The following BRINP1 variants were observed in gnomAD, a reference collection of about 807,000 sequenced individuals.
BRINP1 encodes the protein BMP/retinoic acid-inducible neural-specific protein 1.
A neutral mutation model predicts 72.9 loss-of-function variants in BRINP1; 17 were observed. That is an observed-to-expected ratio of 0.23 (90% CI 0.16 to 0.35). BRINP1 has a LOEUF of 0.35. Ranked by LOEUF, BRINP1 falls within the 10% of genes least tolerant of loss-of-function variation. The probability of loss-of-function intolerance (pLI) is 1.00; values close to 1 mark genes in which losing one functional copy is unlikely to be tolerated. For synonymous variants in BRINP1, 418 were observed against 378.5 expected, an observed-to-expected ratio of 1.10 and a Z score of -1.21; for missense variants, 850 against 1,001.6, an observed-to-expected ratio of 0.85 and a Z score of 2.04.
chr9:119,207,492 G>T (rs1829870812), intron 7 of BRINP1, among the ~76,000 whole-genome samples: 1 of 152,198 alleles, frequency 6.6e-6, no homozygotes, highest in Non-Finnish European at 1.5e-5. Context: ...TGCTAAGCCT[G>T]AGCACCAGCA....
intron 1 of BRINP1, among the ~76,000 whole-genome samples, chr9:119,316,773 G>T (rs1443193541): frequency 6.6e-6 from 1 of 152,132 alleles, no homozygotes; most frequent in African/African-American, 2.4e-5. Context: ...TATACAAGGA[G>T]ATTAATGGTG....
intron 5 of BRINP1, among the ~76,000 whole-genome samples, chr9:119,221,281 G>A (rs1047320320): frequency 6.6e-6 from 1 of 152,052 alleles, no homozygotes; most frequent in African/African-American, 2.4e-5. Flanking sequence ...AGCAAGGACT[G>A]CACCTTTTGC....
chr9:119,237,346 C>CATCATTATTATTATTATTATT (rs1554750154), intron 5 of BRINP1, among the ~76,000 whole-genome samples: 1 of 145,044 alleles, frequency 6.9e-6, no homozygotes, highest in Non-Finnish European at 1.5e-5. Context: ...TTTCTTGCTA[C>CATCATTATTATTATTATTATT]ATTATTATTA....
chr9:119,339,604 G>T (rs1831387475), intron 1 of BRINP1, among the ~76,000 whole-genome samples: 1 of 152,030 alleles, frequency 6.6e-6, no homozygotes. Context: ...TGGAATAAAT[G>T]GATTTCATCA....
rs541520386 is a variant in BRINP1, at chr9:119,355,511, A to G, written c.-51+13545T>C. On this transcript the variant is annotated intron_variant, in intron 1 of 7. Transcript: ENST00000265922. The stretch of plus-strand genomic sequence containing the variant: ...TGGGAGGCCAAGGTGGGCGAATCAC[A>G]AGGTCAGGAGATTGAGACCATCCTG... 8.3e-4 allele frequency among the ~76,000 whole-genome samples: 126 copies of G among 152,086 alleles called. No homozygotes were observed. The East Asian group carries it at 8.4e-3, about 10-fold the overall frequency.
At chr9:119,189,716 T>G (rs1443923106) in intron 7 of BRINP1, among the ~76,000 whole-genome samples, 1 of 152,014 alleles carries the variant, frequency 6.6e-6, no homozygotes. Context: ...ATCTATACAA[T>G]AACAGTAGAG....
intron 2 of BRINP1, among the ~76,000 whole-genome samples, chr9:119,297,207 T>C (rs1283976838): frequency 1.3e-5 from 2 of 152,172 alleles, no homozygotes; most frequent in African/African-American, 4.8e-5. Flanking sequence ...TGGATAGTAT[T>C]TTAGCAATTA....
At chr9:119,227,595 T>C (rs983077443) in intron 5 of BRINP1, among the ~76,000 whole-genome samples, 35 of 152,078 alleles carry the variant, frequency 2.3e-4, no homozygotes, top group Non-Finnish European at 7.4e-5. Context: ...TTCCCATTAG[T>C]GCCTCCAGGT....
intron 4 of BRINP1, among the ~76,000 whole-genome samples, chr9:119,240,552 C>A (rs1830236540): frequency 6.6e-6 from 1 of 152,130 alleles, no homozygotes; most frequent in African/African-American, 2.4e-5. Flanking sequence ...AGGAGAGAAC[C>A]ATTTGGTGAT....
chr9:119,299,464 T>A (rs1377564724), intron 2 of BRINP1, among the ~76,000 whole-genome samples: 1 of 151,974 alleles, frequency 6.6e-6, no homozygotes, highest in African/African-American at 2.4e-5. Flanking sequence ...AAATACAAAA[T>A]TAGCCTGGTG....
At chr9:119,328,161 AG>A (rs1192314754) in intron 1 of BRINP1, among the ~76,000 whole-genome samples, 2 of 152,186 alleles carry the variant, frequency 1.3e-5, no homozygotes, top group Non-Finnish European at 1.5e-5. Context: ...CAACAAAGCC[AG>A]GGGAGCAGGG....
At chr9:119,355,611 C>T (rs906241050) in intron 1 of BRINP1, among the ~76,000 whole-genome samples, 7 of 151,910 alleles carry the variant, frequency 4.6e-5, no homozygotes, top group African/African-American at 7.3e-5. Flanking sequence ...TGCCTGTAGT[C>T]CCAGCTACTC....
At chr9:119,207,066 C>A (rs2118869486) in intron 7 of BRINP1, among the ~76,000 whole-genome samples, 1 of 152,112 alleles carries the variant, frequency 6.6e-6, no homozygotes, top group Non-Finnish European at 1.5e-5. Flanking sequence ...GAGGAGGTTT[C>A]ATAAGGGGGG....
At chr9:119,357,134 T>C (rs1315709918) in intron 1 of BRINP1, among the ~76,000 whole-genome samples, 2 of 152,252 alleles carry the variant, frequency 1.3e-5, no homozygotes, top group African/African-American at 2.4e-5. Flanking sequence ...TCTGGGCTCA[T>C]GTTCTTTTAC....
chr9:119,265,882 G>A (rs181410457), intron 2 of BRINP1, among the ~76,000 whole-genome samples: 67 of 152,148 alleles, frequency 4.4e-4, no homozygotes, highest in African/African-American at 1.4e-3. Flanking sequence ...CAACCTCCTC[G>A]CTCCCTCTCT....
At chr9:119,259,394 G>A (rs967517539) in intron 2 of BRINP1, among the ~76,000 whole-genome samples, 18 of 152,246 alleles carry the variant, frequency 1.2e-4, no homozygotes, top group Non-Finnish European at 1.0e-4. Flanking sequence ...CGTATCCTGC[G>A]GCAAGGCGTT....
intron 7 of BRINP1, among the ~76,000 whole-genome samples, chr9:119,177,302 G>A (rs762076180): frequency 1.7e-4 from 26 of 152,122 alleles, no homozygotes; most frequent in Non-Finnish European, 2.9e-4. Context: ...CTGGAGAACA[G>A]CAGCAGGCCC....
At chr9:119,330,984 G>A (rs1372066926) in intron 1 of BRINP1, among the ~76,000 whole-genome samples, 1 of 152,140 alleles carries the variant, frequency 6.6e-6, no homozygotes, top group African/African-American at 2.4e-5. Context: ...CCGAGATTGT[G>A]CCACTGCTCT....
intron 7 of BRINP1, among the ~76,000 whole-genome samples, chr9:119,194,521 C>T (rs894116096): frequency 3.9e-5 from 6 of 152,178 alleles, no homozygotes; most frequent in Non-Finnish European, 7.3e-5. Flanking sequence ...CTAATCCAAT[C>T]AGATGTGTCC....
Sources: allele counts gnomAD v4.1 joint callset (sites outside exome capture counted in the v4.1 genomes callset), GRCh38; gene constraint gnomAD v4.1.1; transcripts MANE v1.5; gene names NCBI Gene and HGNC (gene_info 2026-07-23, HGNC 2026-07-21).